Variants in SYT16 observed in about 807,000 individuals in gnomAD.
SYT16 encodes synaptotagmin-16.
In SYT16, 42 loss-of-function variants were observed where a neutral mutation model predicts 61.4. The ratio of observed to expected loss-of-function variants is 0.68; its 90% CI spans 0.53 to 0.89. The LOEUF (loss-of-function observed/expected upper bound fraction) is 0.89, where lower values mean the gene tolerates loss of function less well. Ranked by LOEUF, SYT16 falls within the 40% of genes least tolerant of loss-of-function variation. SYT16 has a pLI of 0.00. For missense variants in SYT16, 804 were observed against 807.3 expected (o/e 1.00, Z 0.05); for synonymous variants, 314 against 302.3 (o/e 1.04, Z -0.40).
At position 62,020,718 on chromosome 14, in the gene SYT16, G is replaced by A. The variant is rs571095419; in HGVS notation, c.523+24176G>A. 2.6e-5 allele frequency among the ~76,000 whole-genome samples: 4 copies of A among 152,276 alleles called. No homozygotes were observed. In the South Asian group the frequency reaches 6.2e-4, roughly 24 times the overall value. ...GAAGCTTAGCTAAAATTCCTGGTGGGCGTCAGGAGCCTCCTAGGATCAAGC... is the reference window on the plus strand; with the variant it reads ...GAAGCTTAGCTAAAATTCCTGGTGGACGTCAGGAGCCTCCTAGGATCAAGC... On this transcript the variant is annotated intron_variant, in intron 3 of 7. Transcript: ENST00000683842.
intron 1 of SYT16, among the ~76,000 whole-genome samples, chr14:61,892,179 G>T (rs1338067289): frequency 6.6e-6 from 1 of 151,064 alleles, no homozygotes; most frequent in Non-Finnish European, 1.5e-5. Flanking sequence ...CTTCTCTCTC[G>T]CTTCTTCCTC....
chr14:62,063,143 T>C (rs886650813), intron 3 of SYT16, among the ~76,000 whole-genome samples: 7 of 152,058 alleles, frequency 4.6e-5, no homozygotes, highest in Admixed American at 1.3e-4. Flanking sequence ...TAAGGTAAGG[T>C]GGGAAGTACA....
intron 1 of SYT16, among the ~76,000 whole-genome samples, chr14:61,938,667 TTTA>T (rs2050086413): frequency 6.6e-6 from 1 of 152,002 alleles, no homozygotes; most frequent in African/African-American, 2.4e-5. Flanking sequence ...GAATTTGGGC[TTTA>T]TATTGTAGCT....
intron 1 of SYT16, among the ~76,000 whole-genome samples, chr14:61,880,706 A>G (rs751335904): frequency 4.6e-5 from 7 of 152,018 alleles, no homozygotes; most frequent in Non-Finnish European, 1.0e-4. Context: ...TAGATATTTT[A>G]TGGTTTTTGT....
chr14:61,918,774 G>A (rs2049218051), intron 1 of SYT16, among the ~76,000 whole-genome samples: 1 of 152,006 alleles, frequency 6.6e-6, no homozygotes, highest in Non-Finnish European at 1.5e-5. Flanking sequence ...TTTCTTGTTT[G>A]TGTTCTGATT....
chr14:61,848,120 TTGTC>T (rs1394756454), intron 1 of SYT16, among the ~76,000 whole-genome samples: 2 of 152,208 alleles, frequency 1.3e-5, no homozygotes, highest in Admixed American at 1.3e-4. Flanking sequence ...TTGTGGATGT[TTGTC>T]TGTGTCTGGA....
intron 4 of SYT16, among the ~76,000 whole-genome samples, chr14:62,073,861 T>C (rs2056387368): frequency 6.6e-6 from 1 of 152,228 alleles, no homozygotes; most frequent in South Asian, 2.1e-4. Flanking sequence ...TGATAACGCA[T>C]TGGCAGATAA....
At chr14:61,864,813 C>A in intron 1 of SYT16, 1 of 973,620 alleles carries the variant, frequency 1.0e-6, no homozygotes, top group Non-Finnish European at 1.6e-6. Flanking sequence ...GGCTAAATCA[C>A]AGTCTACCAT....
At chr14:61,858,284 G>A (rs1231565038) in intron 1 of SYT16, among the ~76,000 whole-genome samples, 4 of 152,088 alleles carry the variant, frequency 2.6e-5, no homozygotes, top group Non-Finnish European at 4.4e-5. Flanking sequence ...CCACCCAGAA[G>A]TTAGGATCTT....
chr14:61,962,445 T>G (rs1224568333), intron 1 of SYT16, among the ~76,000 whole-genome samples: 1 of 152,160 alleles, frequency 6.6e-6, no homozygotes. Flanking sequence ...TTCAAAATTT[T>G]TCTCTTTGAC....
chr14:62,070,104 T>C (rs1007707462), intron 4 of SYT16, among the ~76,000 whole-genome samples: 2 of 152,166 alleles, frequency 1.3e-5, no homozygotes, highest in Admixed American at 6.5e-5. Context: ...AGAATAGTAT[T>C]TGTTGAGCTT....
At position 62,107,220 on chromosome 14, in the gene SYT16, G is replaced by A. The variant is rs931234576; in HGVS notation, c.*6513G>A. ...AGGCCGAGGTGGGAGAACAGCTTGC[G>A]TCCAGGATTTCTAGTCCAGCCTGGG... On this transcript the variant is annotated 3_prime_UTR_variant, in exon 8 of 8. Transcript: ENST00000683842. 1.4e-4 allele frequency: 22 copies of A among 151,970 alleles called. No individual in the cohort carries two copies. Among genetic ancestry groups the A allele is most frequent in the African/African-American group, 4.4e-4 (18 of 41,346 alleles). 9.4% of individuals were successfully genotyped at this position (151,970 alleles called of 1,614,324 possible).
rs557131610 is a variant in SYT16 at position 61,850,204 on chromosome 14, G to A, written c.-325+37394G>A. 3.3e-4 allele frequency among the ~76,000 whole-genome samples: 50 copies of A among 149,634 alleles called. No individual in the cohort carries two copies. The South Asian group carries it at 4.5e-3, about 13-fold the overall frequency. On this transcript the variant is annotated intron_variant, in intron 1 of 7. Coordinates refer to ENST00000683842, the MANE Select transcript of SYT16 (RefSeq NM_001367656.1). ...GGCTGGAGTGCAATGGTGTGATCTC[G>A]GCTCACTGCAACCTCTGCCTCCTGG...
chr14:61,937,797 A>G (rs2050041297), intron 1 of SYT16, among the ~76,000 whole-genome samples: 1 of 152,168 alleles, frequency 6.6e-6, no homozygotes, highest in South Asian at 2.1e-4. Context: ...ACTTGTCCCT[A>G]ACTTGGCAGT....
At chr14:61,880,768 T>C (rs78913220) in intron 1 of SYT16, among the ~76,000 whole-genome samples, 1 of 152,194 alleles carries the variant, frequency 6.6e-6, no homozygotes, top group African/African-American at 2.4e-5. Flanking sequence ...TGTGGTACTG[T>C]TGACTTGTGT....
chr14:61,911,596 A>G (rs527870954), intron 1 of SYT16, among the ~76,000 whole-genome samples: 1 of 152,252 alleles, frequency 6.6e-6, no homozygotes, highest in Non-Finnish European at 1.5e-5. Context: ...TATGTGTTTA[A>G]GAAAAAGCTG....
intron 1 of SYT16, among the ~76,000 whole-genome samples, chr14:61,863,261 G>A (rs1229436596): frequency 1.3e-5 from 2 of 151,206 alleles, no homozygotes; most frequent in Non-Finnish European, 3.0e-5. Context: ...AGTTCCTGTT[G>A]TTCCGCAACC....
chr14:62,112,125 T>C lies in SYT16; in HGVS notation c.*11418T>C, dbSNP rs1317545745. ...TGTATTACTATCTTACTATTATGTA[T>C]TGTGTTTAAACAAGACCAATCAGTG... On this transcript the variant is annotated 3_prime_UTR_variant, in exon 8 of 8. Coordinates refer to ENST00000683842, the MANE Select transcript of SYT16 (RefSeq NM_001367656.1). The C allele has an allele frequency of 6.6e-6, 1 of 152,152 alleles. No individual in the cohort carries two copies. The highest frequency in any genetic ancestry group is 2.4e-5 in the African/African-American group (1 of 41,464). 9.4% of individuals were successfully genotyped at this position (152,152 alleles called of 1,614,324 possible).
At chr14:62,040,640 T>C (rs1393801962) in intron 3 of SYT16, among the ~76,000 whole-genome samples, 1 of 152,204 alleles carries the variant, frequency 6.6e-6, no homozygotes, top group Non-Finnish European at 1.5e-5. Context: ...AAATATTGTT[T>C]CACAGTGAGA....
Sources: gnomAD v4.1 joint callset for allele counts (sites outside exome capture counted in the v4.1 genomes callset) on GRCh38, gnomAD v4.1.1 for gene constraint, MANE v1.5 for transcripts, NCBI Gene and HGNC (gene_info 2026-07-23, HGNC 2026-07-21) for gene names.